Variants in FHIT observed in about 807,000 individuals in gnomAD.
FHIT encodes bis(5'-adenosyl)-triphosphatase.
In FHIT, 19 loss-of-function variants were observed where a neutral mutation model predicts 17.9. That is an observed-to-expected ratio of 1.06 (90% confidence interval 0.74 to 1.56). The LOEUF (loss-of-function observed/expected upper bound fraction) is 1.56, where lower values mean the gene tolerates loss of function less well. Among genes scored for constraint, FHIT ranks in the 40% most tolerant of loss-of-function variants. The pLI is 0.00. For missense variants in FHIT, 248 were observed against 189.2 expected, an observed-to-expected ratio of 1.31 and a Z score of -1.82; for synonymous variants, 81 against 69.7, an observed-to-expected ratio of 1.16 and a Z score of -0.81.
At chr3:59,805,162 T>C (rs1402292842) in intron 8 of FHIT, among the ~76,000 whole-genome samples, 2 of 152,190 alleles carry the variant, frequency 1.3e-5, no homozygotes, top group Non-Finnish European at 2.9e-5. Context: ...TGTCCTGCTC[T>C]GTGGGCACTT....
At chr3:60,451,842 T>G (rs2031767828) in intron 5 of FHIT, among the ~76,000 whole-genome samples, 1 of 151,860 alleles carries the variant, frequency 6.6e-6, no homozygotes, top group Non-Finnish European at 1.5e-5. Flanking sequence ...AAAAAGAAAA[T>G]CACAGCTTTA....
At chr3:60,477,699 T>C (rs943732563) in intron 5 of FHIT, among the ~76,000 whole-genome samples, 2 of 152,226 alleles carry the variant, frequency 1.3e-5, no homozygotes, top group African/African-American at 4.8e-5. Flanking sequence ...ACAATCGGTA[T>C]AGGCATGTAG....
chr3:61,211,781 C>T lies in FHIT; in HGVS notation c.-212-11116G>A, dbSNP rs539900304. Among the ~76,000 whole-genome samples, 14 of 152,360 alleles carry T rather than the reference C, an allele frequency of 9.2e-5. 1 individual carries two copies. In the South Asian group the frequency reaches 2.7e-3, roughly 29 times the overall value. The stretch of plus-strand genomic sequence containing the variant: ...CAAGTAGGGGCTGACTGACACCTCA[C>T]ACGGCCGGGTACTCCTCTGAGACAA... On this transcript the variant is annotated intron_variant, in intron 1 of 9. Transcript: ENST00000492590.
At chr3:60,380,649 G>A (rs192905085) in intron 5 of FHIT, among the ~76,000 whole-genome samples, 9 of 152,204 alleles carry the variant, frequency 5.9e-5, no homozygotes, top group East Asian at 1.9e-4. Flanking sequence ...CTCCGTACAC[G>A]TCCAAGTTTA....
intron 2 of FHIT, among the ~76,000 whole-genome samples, chr3:61,077,593 G>A (rs1237642009): frequency 6.6e-6 from 1 of 152,074 alleles, no homozygotes. Flanking sequence ...AATCCTAAGT[G>A]TTTACACCTA....
chr3:60,575,048 A>G (rs2037520072), intron 4 of FHIT, among the ~76,000 whole-genome samples: 1 of 152,168 alleles, frequency 6.6e-6, no homozygotes, highest in Non-Finnish European at 1.5e-5. Context: ...AGAATAAAGG[A>G]AGAATAAACA....
intron 7 of FHIT, among the ~76,000 whole-genome samples, chr3:59,960,561 C>T (rs1707623390): frequency 6.8e-6 from 1 of 146,030 alleles, no homozygotes; most frequent in African/African-American, 2.5e-5. Context: ...GGGGTGGAGA[C>T]ATTATCTTGA....
At chr3:60,832,672 C>T (rs1487728065) in intron 3 of FHIT, among the ~76,000 whole-genome samples, 2 of 150,166 alleles carry the variant, frequency 1.3e-5, no homozygotes, top group African/African-American at 4.9e-5. Flanking sequence ...TAATGTGCTG[C>T]TTTAAATCAA....
chr3:61,228,060 T>G (rs1307235525), intron 1 of FHIT, among the ~76,000 whole-genome samples: 3 of 151,998 alleles, frequency 2.0e-5, no homozygotes, highest in African/African-American at 7.3e-5. Flanking sequence ...CAATACAGTG[T>G]AAAAACCATG....
chr3:60,104,087 T>A (rs1704304785), intron 5 of FHIT, among the ~76,000 whole-genome samples: 1 of 152,188 alleles, frequency 6.6e-6, no homozygotes, highest in South Asian at 2.1e-4. Flanking sequence ...GGTAGACTCT[T>A]TTTAAACCAT....
At chr3:60,961,426 T>C (rs566925592) in intron 3 of FHIT, among the ~76,000 whole-genome samples, 209 of 152,324 alleles carry the variant, frequency 1.4e-3, no homozygotes, top group East Asian at 8.7e-3. Context: ...AGAAACTCTT[T>C]AGTTTAATTA....
At position 60,626,353 on chromosome 3, in the gene FHIT, TA is replaced by T. The variant is rs1192151921; in HGVS notation, c.-17-89375del. 4.6e-4 allele frequency among the ~76,000 whole-genome samples: 70 copies of T among 152,318 alleles called. 1 individual carries two copies. Among genetic ancestry groups the T allele is most frequent in the African/African-American group, 1.7e-3 (69 of 41,580 alleles). On this transcript the variant is annotated intron_variant, in intron 4 of 9. Coordinates refer to ENST00000492590, the MANE Select transcript of FHIT (RefSeq NM_002012.4). ...CAATAACTCTTCCAATCCCCAAACA[TA>T]AAAAGTCTTGCCTTGTATTTAGATA...
intron 4 of FHIT, among the ~76,000 whole-genome samples, chr3:60,585,628 G>A (rs1221264590): frequency 6.6e-6 from 1 of 151,920 alleles, no homozygotes; most frequent in Non-Finnish European, 1.5e-5. Context: ...GTACCCAAAG[G>A]CACAACTCAA....
At position 60,161,271 on chromosome 3, in the gene FHIT, C is replaced by T. The variant is rs571388919; in HGVS notation, c.104-147119G>A. On this transcript the variant is annotated intron_variant, in intron 5 of 9. Coordinates refer to ENST00000492590, the MANE Select transcript of FHIT (RefSeq NM_002012.4). ...AAAAGCCTGTGGCAGTTGAAACAAC[C>T]AAACCCTTCCCATGGGCATCACGAA... Among the ~76,000 whole-genome samples, 5 of 152,296 alleles carry T rather than the reference C, an allele frequency of 3.3e-5. No homozygotes were observed. In the East Asian group the frequency reaches 9.7e-4, roughly 29 times the overall value.
intron 2 of FHIT, among the ~76,000 whole-genome samples, chr3:61,110,166 G>A (rs370946310): frequency 1.3e-5 from 2 of 152,060 alleles, no homozygotes; most frequent in Non-Finnish European, 2.9e-5. Context: ...GGTCCCTCAC[G>A]CTCTTGTTCC....
chr3:60,821,357 T>C (rs1299569853), intron 4 of FHIT, among the ~76,000 whole-genome samples: 1 of 152,176 alleles, frequency 6.6e-6, no homozygotes, highest in African/African-American at 2.4e-5. Flanking sequence ...TAAAGCCTCT[T>C]TGTAAGACCT....
chr3:60,290,861 C>T (rs1330541318), intron 5 of FHIT, among the ~76,000 whole-genome samples: 1 of 152,058 alleles, frequency 6.6e-6, no homozygotes, highest in South Asian at 2.1e-4. Context: ...GGAGGGCTCA[C>T]AAAGGTGGCT....
chr3:60,542,277 A>G (rs1325673097), intron 4 of FHIT, among the ~76,000 whole-genome samples: 2 of 152,104 alleles, frequency 1.3e-5, no homozygotes, highest in African/African-American at 2.4e-5. Flanking sequence ...ACCTTTTACC[A>G]CAAGTTACAC....
At chr3:60,189,908 T>C (rs1050126240) in intron 5 of FHIT, among the ~76,000 whole-genome samples, 2 of 152,150 alleles carry the variant, frequency 1.3e-5, no homozygotes, top group African/African-American at 2.4e-5. Context: ...GTGGAAGCCA[T>C]GTATGCATTG....
Sources: gnomAD v4.1 joint callset for allele counts (sites outside exome capture counted in the v4.1 genomes callset) on GRCh38, gnomAD v4.1.1 for gene constraint, MANE v1.5 for transcripts, NCBI Gene and HGNC (gene_info 2026-07-23, HGNC 2026-07-21) for gene names.